The following JAML variants were observed in gnomAD, a reference collection of about 807,000 sequenced individuals.
The protein encoded by JAML is junctional adhesion molecule-like.
A neutral mutation model predicts 39.3 loss-of-function variants in JAML; 25 were observed. The observed-to-expected ratio is 0.64, with a 90% CI of 0.46 to 0.89. The LOEUF is 0.89. Ranked by LOEUF, JAML falls within the 40% of genes least tolerant of loss-of-function variation. The probability of loss-of-function intolerance (pLI) is 0.00; values close to 1 mark genes in which losing one functional copy is unlikely to be tolerated. For missense variants in JAML, 440 were observed against 486.9 expected (o/e 0.90, Z 0.91); for synonymous variants, 162 against 179.2 (o/e 0.90, Z 0.77).
At chr11:118,195,740 A>C (rs1158123986) in intron 9 of JAML, among the ~76,000 whole-genome samples, 1 of 152,144 alleles carries the variant, frequency 6.6e-6, no homozygotes, top group African/African-American at 2.4e-5. Context: ...CATTGGAAGG[A>C]ACCCTACTTT....
At chr11:118,223,094 C>CA (rs56175225) in intron 1 of JAML, among the ~76,000 whole-genome samples, 34,950 of 92,930 alleles carry the variant, frequency 0.38, 7,416 homozygotes, top group East Asian at 0.53. Context: ...GACTCTGTCT[C>CA]AAAAAAAAAA....
At chr11:118,198,644 CT>C (rs1198072179) in intron 7 of JAML, among the ~76,000 whole-genome samples, 7 of 141,426 alleles carry the variant, frequency 4.9e-5, no homozygotes, top group Non-Finnish European at 7.5e-5. Context: ...AACATACTTT[CT>C]TTTTTTCTAT....
chr11:118,221,520 A>G (rs1351721679), intron 1 of JAML, among the ~76,000 whole-genome samples: 2 of 152,210 alleles, frequency 1.3e-5, no homozygotes, highest in African/African-American at 4.8e-5. Context: ...CATAGGGTTC[A>G]TGCTCCCGTG....
At chr11:118,213,383 G>A (rs2134671514) in intron 2 of JAML, 5 of 972,462 alleles carry the variant, frequency 5.1e-6, no homozygotes, top group South Asian at 4.6e-5. Context: ...AAATGTGCCA[G>A]TCTTTTCATC....
intron 9 of JAML, among the ~76,000 whole-genome samples, chr11:118,195,802 G>A (rs1333655147): frequency 6.6e-6 from 1 of 152,110 alleles, no homozygotes; most frequent in Non-Finnish European, 1.5e-5. Context: ...ACTTGCCCAA[G>A]GATCTTATCC....
intron 4 of JAML, among the ~76,000 whole-genome samples, chr11:118,207,526 T>C (rs1224286360): frequency 6.6e-6 from 1 of 152,188 alleles, no homozygotes; most frequent in Non-Finnish European, 1.5e-5. Context: ...AATTATTATT[T>C]TCATCTATAG....
rs200380049 is a variant in JAML at position 118,212,400 on chromosome 11, G to A, written c.198+7C>T. The stretch of plus-strand genomic sequence containing the variant: ...TCTATTACATAGTGATGTTTCCCCC[G>A]CGTTACCTTGGCGTGCTCTCCTGGT... On this transcript the variant is annotated splice_region_variant and intron_variant, in intron 3 of 9. Transcript: ENST00000356289. 15 of 1,613,458 alleles carry A rather than the reference G, an allele frequency of 9.3e-6. No homozygotes were observed. Among genetic ancestry groups the A allele is most frequent in the South Asian group, 3.3e-5 (3 of 91,068 alleles).
rs559456010 is a variant in JAML, at chr11:118,210,324, CTA to C, written c.424+161_424+162del. On this transcript the variant is annotated intron_variant, in intron 4 of 9. Transcript: ENST00000356289. The stretch of plus-strand genomic sequence containing the variant: ...CAATATTTTATTTAATAAAATAACT[CTA>C]TTTTTATTGACTGAAATAATTATGA... Among the ~76,000 whole-genome samples, 248 of 152,180 alleles carry C rather than the reference CTA, an allele frequency of 1.6e-3. 1 individual carries two copies. The highest frequency in any genetic ancestry group is 5.4e-3 in the African/African-American group (224 of 41,486).
intron 1 of JAML, among the ~76,000 whole-genome samples, chr11:118,220,166 G>C (rs1012855767): frequency 6.6e-6 from 1 of 152,168 alleles, no homozygotes; most frequent in Non-Finnish European, 1.5e-5. Flanking sequence ...CAAACCTCCT[G>C]CTCTGGATGT....
intron 5 of JAML, 66 bp from the exon 6 acceptor site, chr11:118,203,731 G>A: frequency 7.3e-7 from 1 of 1,373,994 alleles, no homozygotes; most frequent in Admixed American, 1.7e-5. Context: ...CAGAGAAAAT[G>A]GGGGAGGGAA....
rs1339399956 is a variant in JAML, at chr11:118,203,534, T to G, written c.666A>C (p.Gln222His). ...TTCCTCCATCTGACTCCCTCACTCC[T>G]TGAAGCATGATGGAACCGTCATTGC... Reference protein sequence around the residue: ...IFRNDGSIMLQGVRESDGGNY... With the variant: ...IFRNDGSIMLHGVRESDGGNY... Residue 222 changes from glutamine to histidine, a missense_variant, in exon 6 of 10, where the codon CAA becomes CAC. Transcript: ENST00000356289. 8 of 1,614,066 alleles carry G rather than the reference T, an allele frequency of 5.0e-6. No individual in the cohort carries two copies. Among genetic ancestry groups the G allele is most frequent in the Admixed American group, 1.7e-5 (1 of 60,000 alleles).
chr11:118,224,498 C>T (rs1171200399), intron 1 of JAML, among the ~76,000 whole-genome samples: 1 of 152,142 alleles, frequency 6.6e-6, no homozygotes, highest in East Asian at 1.9e-4. Context: ...TATCTACATG[C>T]ATCCCACAAC....
chr11:118,209,119 G>A (rs1387147918), intron 4 of JAML: 7 of 324,058 alleles, frequency 2.2e-5, no homozygotes, highest in African/African-American at 1.5e-4. Flanking sequence ...ACAGTTGCTT[G>A]CAATACTTTT....
At chr11:118,217,623 T>G (rs1204872867) in intron 1 of JAML, among the ~76,000 whole-genome samples, 1 of 152,206 alleles carries the variant, frequency 6.6e-6, no homozygotes, top group African/African-American at 2.4e-5. Flanking sequence ...TTTCTTAATA[T>G]AGCAGCACAC....
At chr11:118,213,008 CT>C in intron 2 of JAML, 1 of 1,611,786 alleles carries the variant, frequency 6.2e-7, no homozygotes, top group South Asian at 1.1e-5. Flanking sequence ...TTTTCCCTTT[CT>C]TTTAGTTCCT....
Position 118,210,701 on chromosome 11 carries a change from C to T in JAML, c.210G>A (p.Val70=). ...CACTGAGATTGGAGTAATAGTATAG[C>T]ACATATTCGTCCTGAAGGGCAAAAC... is the stretch of plus-strand genomic sequence containing the variant. ...SPGEHAKDEY[V]LYYYSNLSVP... The change falls in exon 4 of 10, where the codon GTG becomes GTA. Residue 70 remains valine (V), a synonymous_variant. Coordinates refer to ENST00000356289, the MANE Select transcript of JAML (RefSeq NM_001098526.2). 5 of 1,614,068 alleles carry T rather than the reference C, an allele frequency of 3.1e-6. No individual in the cohort carries two copies. The highest frequency in any genetic ancestry group is 2.2e-5 in the East Asian group (1 of 44,890).
intron 3 of JAML, among the ~76,000 whole-genome samples, chr11:118,211,946 A>C (rs981122436): frequency 5.9e-5 from 9 of 151,608 alleles, no homozygotes; most frequent in South Asian, 2.1e-4. Flanking sequence ...TCCCCACCCC[A>C]AAAAAGATCA....
At position 118,210,696 on chromosome 11, in the gene JAML, T is replaced by C. The variant is rs146313769; in HGVS notation, c.215A>G (p.Tyr72Cys). ...GEHAKDEYVLYYYSNLSVPIG... is the reference protein window; with the variant it reads ...GEHAKDEYVLCYYSNLSVPIG... Reference sequence around the variant, plus strand: ...AGGCACACTGAGATTGGAGTAATAGTATAGCACATATTCGTCCTGAAGGGC... The same window carrying C: ...AGGCACACTGAGATTGGAGTAATAGCATAGCACATATTCGTCCTGAAGGGC... Residue 72 changes from tyrosine to cysteine, a missense_variant, in exon 4 of 10, where the codon TAC (tyrosine) becomes TGC (cysteine). By Grantham distance (194) the Tyr-to-Cys change is radical. Coordinates refer to ENST00000356289, the MANE Select transcript of JAML (RefSeq NM_001098526.2). The C allele has an allele frequency of 5.0e-6, 8 of 1,613,948 alleles. No individual in the cohort carries two copies. The African/African-American group carries it at 8.0e-5, about 16-fold the overall frequency.
At chr11:118,214,956 G>T in intron 1 of JAML, 70 bp from the exon 2 acceptor site, 2 of 1,403,600 alleles carry the variant, frequency 1.4e-6, no homozygotes, top group African/African-American at 1.4e-5. Flanking sequence ...AACCAATAGT[G>T]AAGGACTATA....
Sources: allele counts gnomAD v4.1 joint callset (sites outside exome capture counted in the v4.1 genomes callset), GRCh38; gene constraint gnomAD v4.1.1; transcripts MANE v1.5; gene names NCBI Gene and HGNC (gene_info 2026-07-23, HGNC 2026-07-21).